Variants in DLG2 observed in about 807,000 individuals in gnomAD.
DLG2 encodes the protein discs large MAGUK scaffold protein 2.
In DLG2, 45 loss-of-function variants were observed where a neutral mutation model predicts 132.5. That is an observed-to-expected ratio of 0.34 (90% CI 0.27 to 0.44). DLG2 has a LOEUF of 0.44. Among genes scored for constraint, DLG2 ranks in the 20% least tolerant of loss-of-function variants. DLG2 has a pLI of 1.00. For synonymous variants in DLG2, 424 were observed against 419.6 expected, an observed-to-expected ratio of 1.01 and a Z score of -0.13; for missense variants, 1,045 against 1,196.9, an observed-to-expected ratio of 0.87 and a Z score of 1.87.
intron 6 of DLG2, among the ~76,000 whole-genome samples, chr11:84,844,085 G>GTGTGTATA (rs1221044786): frequency 2.7e-4 from 25 of 93,130 alleles, no homozygotes; most frequent in Admixed American, 6.5e-4. Context: ...GTGTGTGTGT[G>GTGTGTATA]TATATATATA....
chr11:85,551,421 T>G (rs928872860), intron 3 of DLG2, among the ~76,000 whole-genome samples: 1 of 152,150 alleles, frequency 6.6e-6, no homozygotes, highest in Non-Finnish European at 1.5e-5. Context: ...AGACTTCAGT[T>G]TTTAATGTAA....
intron 3 of DLG2, among the ~76,000 whole-genome samples, chr11:85,560,370 T>C (rs2153223565): frequency 6.6e-6 from 1 of 152,020 alleles, no homozygotes; most frequent in South Asian, 2.1e-4. Context: ...TTAAATGTGA[T>C]ATGTGTATAT....
chr11:85,449,617 C>G lies in DLG2; in HGVS notation c.40+149040G>C. On this transcript the variant is annotated intron_variant, in intron 3 of 27. Coordinates refer to ENST00000376104, the MANE Select transcript of DLG2 (RefSeq NM_001142699.3). ...TAGTGATATTTTCTGGTAAGTCTCA[C>G]TTATAGTGATTTATTTCTCATGTAT... Among the ~76,000 whole-genome samples, 2 of 151,976 alleles carry G rather than the reference C, an allele frequency of 1.3e-5. 1 individual carries two copies. Among genetic ancestry groups the G allele is most frequent in the South Asian group, 4.2e-4 (2 of 4,818 alleles).
At chr11:85,479,255 C>T (rs947966389) in intron 3 of DLG2, among the ~76,000 whole-genome samples, 1 of 152,134 alleles carries the variant, frequency 6.6e-6, no homozygotes, top group African/African-American at 2.4e-5. Context: ...AGTCCAATAT[C>T]ATGGCAAAGG....
At chr11:84,714,211 T>A (rs1164232437) in intron 6 of DLG2, among the ~76,000 whole-genome samples, 1 of 151,900 alleles carries the variant, frequency 6.6e-6, no homozygotes, top group African/African-American at 2.4e-5. Context: ...TGGTCAACCT[T>A]TGGCAATATT....
intron 3 of DLG2, among the ~76,000 whole-genome samples, chr11:85,436,130 C>A (rs958183797): frequency 4.6e-5 from 7 of 152,108 alleles, no homozygotes; most frequent in Admixed American, 2.6e-4. Context: ...GAAACTGGAC[C>A]CTTCCTTACA....
rs965484049 is a variant in DLG2 at position 83,756,645 on chromosome 11, G to A, written c.1825+30045C>T. Among the ~76,000 whole-genome samples the A allele has an allele frequency of 2.0e-4, 30 of 151,242 alleles. 3 individuals are homozygous for A. Among genetic ancestry groups the A allele is most frequent in the African/African-American group, 6.2e-4 (25 of 40,608 alleles). ...TAGGATTCTTGTGAGAATCGAATGTGGTAATACATGTAAAACAGAACAGTA... is the reference window on the plus strand; with the variant it reads ...TAGGATTCTTGTGAGAATCGAATGTAGTAATACATGTAAAACAGAACAGTA... On this transcript the variant is annotated intron_variant, in intron 18 of 27. Transcript: ENST00000376104.
chr11:83,558,900 C>A (rs2096565335), intron 19 of DLG2, among the ~76,000 whole-genome samples: 1 of 142,318 alleles, frequency 7.0e-6, no homozygotes, highest in East Asian at 2.1e-4. Context: ...TGAGTAAAAT[C>A]TGGCCCCCTC....
intron 6 of DLG2, among the ~76,000 whole-genome samples, chr11:84,999,948 T>C (rs762729980): frequency 1.3e-5 from 2 of 152,078 alleles, no homozygotes; most frequent in Non-Finnish European, 1.5e-5. Context: ...CAAGAATTTA[T>C]TCACATTGGC....
chr11:84,770,066 T>C (rs2069048915), intron 6 of DLG2, among the ~76,000 whole-genome samples: 1 of 152,128 alleles, frequency 6.6e-6, no homozygotes, highest in Admixed American at 6.5e-5. Context: ...TGGAGGTAGA[T>C]TCCCCATGGC....
intron 7 of DLG2, among the ~76,000 whole-genome samples, chr11:84,430,206 G>A (rs1601967077): frequency 6.6e-6 from 1 of 152,080 alleles, no homozygotes; most frequent in East Asian, 1.9e-4. Flanking sequence ...GGGAGTCCAA[G>A]GCAGGTAGAT....
intron 11 of DLG2, among the ~76,000 whole-genome samples, chr11:84,045,624 CACTATGGTCTGTGCTT>C (rs2096226063): frequency 6.6e-6 from 1 of 151,622 alleles, no homozygotes; most frequent in Non-Finnish European, 1.5e-5. Flanking sequence ...AAAATTCACT[CACTATGGTCTGTGCTT>C]ACAAGCACAC....
chr11:85,472,346 G>C (rs2093011437), intron 3 of DLG2, among the ~76,000 whole-genome samples: 1 of 152,130 alleles, frequency 6.6e-6, no homozygotes. Context: ...TCTGTCACCA[G>C]GCTGGAGTGC....
At chr11:85,502,368 C>T (rs980442024) in intron 3 of DLG2, among the ~76,000 whole-genome samples, 1 of 151,268 alleles carries the variant, frequency 6.6e-6, no homozygotes, top group African/African-American at 2.4e-5. Context: ...ACGTGTATAC[C>T]TGTGTAACAA....
chr11:83,998,772 G>T (rs1053246649), intron 11 of DLG2, among the ~76,000 whole-genome samples: 6 of 152,122 alleles, frequency 3.9e-5, no homozygotes, highest in Admixed American at 6.6e-5. Context: ...CACCGTTTTA[G>T]AGTCCTGCCC....
At chr11:84,374,403 C>A (rs905664014) in intron 7 of DLG2, among the ~76,000 whole-genome samples, 1 of 152,230 alleles carries the variant, frequency 6.6e-6, no homozygotes. Context: ...CCACAGGCTG[C>A]ATGCAGTCCA....
chr11:84,934,769 C>A (rs1591518951), intron 6 of DLG2, among the ~76,000 whole-genome samples: 1 of 151,856 alleles, frequency 6.6e-6, no homozygotes, highest in Non-Finnish European at 1.5e-5. Flanking sequence ...CTTTTATATG[C>A]CCGAGTTCCT....
At chr11:84,859,104 C>T (rs184113380) in intron 6 of DLG2, among the ~76,000 whole-genome samples, 8 of 151,856 alleles carry the variant, frequency 5.3e-5, no homozygotes, top group African/African-American at 1.7e-4. Flanking sequence ...GACTAAAGTG[C>T]CAGATACGAA....
At chr11:85,492,083 T>C (rs2093573111) in intron 3 of DLG2, among the ~76,000 whole-genome samples, 1 of 152,092 alleles carries the variant, frequency 6.6e-6, no homozygotes, top group African/African-American at 2.4e-5. Flanking sequence ...ATGTAATATA[T>C]TCTTGAAAAT....
Sources: allele counts gnomAD v4.1 joint callset (sites outside exome capture counted in the v4.1 genomes callset), GRCh38; gene constraint gnomAD v4.1.1; transcripts MANE v1.5; gene names NCBI Gene and HGNC (gene_info 2026-07-23, HGNC 2026-07-21).